HSPBAP1: variants seen among roughly 807,000 people sequenced by gnomAD.
HSPBAP1 encodes HSPB1 associated protein 1.
A neutral mutation model predicts 45.2 loss-of-function variants in HSPBAP1; 27 were observed. The observed-to-expected ratio is 0.60, with a 90% CI of 0.44 to 0.82. HSPBAP1 has a LOEUF of 0.82. HSPBAP1 is among the 40% of genes least tolerant of loss of function. HSPBAP1 has a pLI of 0.00. For synonymous variants in HSPBAP1, 204 were observed against 202.7 expected (o/e 1.01, Z -0.06); for missense variants, 510 against 590.9 (o/e 0.86, Z 1.42).
intron 2 of HSPBAP1, among the ~76,000 whole-genome samples, chr3:122,769,105 A>G (rs1934890351): frequency 6.6e-6 from 1 of 152,192 alleles, no homozygotes; most frequent in Admixed American, 6.5e-5. Context: ...CAGTCTGTGC[A>G]ACAGAGCAAA....
intron 6 of HSPBAP1, among the ~76,000 whole-genome samples, chr3:122,745,929 A>G (rs1284232358): frequency 2.6e-5 from 4 of 152,236 alleles, no homozygotes; most frequent in Admixed American, 6.5e-5. Context: ...GCCACAGTGC[A>G]TAAGTGCTTA....
chr3:122,770,626 T>C (rs988907282), intron 2 of HSPBAP1, among the ~76,000 whole-genome samples: 1 of 152,018 alleles, frequency 6.6e-6, no homozygotes, highest in African/African-American at 2.4e-5. Flanking sequence ...ACTTGAGCCC[T>C]GGAGGTTGAG....
chr3:122,748,257 G>A (rs1199953895), intron 6 of HSPBAP1, among the ~76,000 whole-genome samples: 1 of 151,908 alleles, frequency 6.6e-6, no homozygotes, highest in African/African-American at 2.4e-5. Context: ...AAGGCCGCAG[G>A]GTCCTCTGCC....
At chr3:122,781,510 G>A (rs1308863780) in intron 1 of HSPBAP1, among the ~76,000 whole-genome samples, 5 of 151,622 alleles carry the variant, frequency 3.3e-5, no homozygotes, top group Admixed American at 3.3e-4. Flanking sequence ...CAGCAGTACA[G>A]TCCAGCTTCG....
At chr3:122,759,856 C>T (rs1934505731) in intron 3 of HSPBAP1, among the ~76,000 whole-genome samples, 1 of 152,190 alleles carries the variant, frequency 6.6e-6, no homozygotes, top group Admixed American at 6.5e-5. Flanking sequence ...TATTTGTGTA[C>T]ATACGCAACT....
At chr3:122,754,782 AAAC>A in intron 5 of HSPBAP1, 1 of 986,064 alleles carries the variant, frequency 1.0e-6, no homozygotes, top group Non-Finnish European at 1.2e-6. Flanking sequence ...TAATTTATGA[AAAC>A]AACATCCATT....
intron 3 of HSPBAP1, among the ~76,000 whole-genome samples, chr3:122,763,707 T>A (rs780047999): frequency 8.5e-5 from 13 of 152,246 alleles, no homozygotes; most frequent in Non-Finnish European, 1.5e-4. Flanking sequence ...CTCTATTTTT[T>A]TCTGTTCTGA....
intron 6 of HSPBAP1, among the ~76,000 whole-genome samples, chr3:122,745,383 C>A (rs1408859683): frequency 1.3e-5 from 2 of 152,174 alleles, no homozygotes; most frequent in Non-Finnish European, 2.9e-5. Context: ...GAAGACCTTA[C>A]CCTAGCAGCA....
rs551964902 is a variant in HSPBAP1, at chr3:122,793,794, G to A, written c.-114C>T. On this transcript the variant is annotated 5_prime_UTR_variant, in exon 1 of 8. Transcript: ENST00000306103. ...CTGCACCACAGGAAGGAGCCCCGGC[G>A]ACTCCCGCCCGGCTCCTACGGAAAC... is the stretch of plus-strand genomic sequence containing the variant. 7.2e-5 allele frequency: 65 copies of A among 902,476 alleles called. No individual in the cohort carries two copies. Among genetic ancestry groups the A allele is most frequent in the African/African-American group, 4.0e-4 (24 of 60,208 alleles). The allele number at this position is 902,476 out of a possible 1,614,324, so 55.9% of individuals were successfully genotyped here.
chr3:122,750,250 G>C (rs1487254694), intron 6 of HSPBAP1, among the ~76,000 whole-genome samples: 1 of 152,254 alleles, frequency 6.6e-6, no homozygotes, highest in African/African-American at 2.4e-5. Flanking sequence ...TGGGATTACA[G>C]GCGTAAGCCA....
chr3:122,746,469 G>T (rs1450279153), intron 6 of HSPBAP1, among the ~76,000 whole-genome samples: 1 of 150,598 alleles, frequency 6.6e-6, no homozygotes, highest in Non-Finnish European at 1.5e-5. Flanking sequence ...GGACAAAATA[G>T]ACCCAGATAT....
At chr3:122,763,558 G>A (rs1266170051) in intron 3 of HSPBAP1, among the ~76,000 whole-genome samples, 3 of 152,128 alleles carry the variant, frequency 2.0e-5, no homozygotes, top group East Asian at 3.9e-4. Flanking sequence ...CAGTGCAAAT[G>A]TCAACACTGT....
chr3:122,748,379 T>TA (rs747657975), intron 6 of HSPBAP1, among the ~76,000 whole-genome samples: 45 of 124,382 alleles, frequency 3.6e-4, no homozygotes, highest in Non-Finnish European at 5.2e-4. Context: ...AATGATCAAT[T>TA]AAAAAAAAAA....
At chr3:122,747,251 CG>C (rs1166542633) in intron 6 of HSPBAP1, among the ~76,000 whole-genome samples, 3 of 151,666 alleles carry the variant, frequency 2.0e-5, no homozygotes, top group Non-Finnish European at 4.4e-5. Flanking sequence ...AAGTGAGGAG[CG>C]TCTCTGCCCG....
At chr3:122,745,614 T>C (rs1388295845) in intron 6 of HSPBAP1, among the ~76,000 whole-genome samples, 1 of 152,238 alleles carries the variant, frequency 6.6e-6, no homozygotes, top group African/African-American at 2.4e-5. Flanking sequence ...ACTCAGTAGT[T>C]AGCTCAGTGA....
At chr3:122,753,219 C>T (rs780504303) in intron 5 of HSPBAP1, 5 of 219,836 alleles carry the variant, frequency 2.3e-5, no homozygotes, top group Non-Finnish European at 3.8e-5. Context: ...GATTTGAACC[C>T]GGGCTAGGAG....
intron 3 of HSPBAP1, among the ~76,000 whole-genome samples, chr3:122,767,012 CAT>C (rs1378546481): frequency 6.6e-6 from 1 of 151,974 alleles, no homozygotes; most frequent in Non-Finnish European, 1.5e-5. Flanking sequence ...GTATGAGAAA[CAT>C]AACAAAACAC....
intron 1 of HSPBAP1, among the ~76,000 whole-genome samples, chr3:122,780,573 TC>T (rs1935408784): frequency 7.9e-6 from 1 of 126,028 alleles, no homozygotes; most frequent in Admixed American, 7.9e-5. Context: ...CCCAACTCAC[TC>T]CCGGACGGGG....
rs1433316054 is a variant in HSPBAP1 at position 122,759,162 on chromosome 3, T to C, written c.569+62A>G. 8 of 1,533,822 alleles carry C rather than the reference T, an allele frequency of 5.2e-6. 1 individual carries two copies. The highest frequency in any genetic ancestry group is 4.9e-5 in the East Asian group (2 of 41,134). On this transcript the variant is annotated intron_variant, in intron 4 of 7. Coordinates refer to ENST00000306103, the MANE Select transcript of HSPBAP1 (RefSeq NM_024610.6). ...TGCCCTATTCTCTCTGCCACCCCTA[T>C]TGCATGCATGCACATGTGCGTTCCA... is the stretch of plus-strand genomic sequence containing the variant.
Sources: gnomAD v4.1 joint callset for allele counts (sites outside exome capture counted in the v4.1 genomes callset) on GRCh38, gnomAD v4.1.1 for gene constraint, MANE v1.5 for transcripts, NCBI Gene and HGNC (gene_info 2026-07-23, HGNC 2026-07-21) for gene names.